NKAIN2: variants seen among roughly 807,000 people sequenced by gnomAD.
NKAIN2 encodes the protein sodium/potassium-transporting ATPase subunit beta-1-interacting protein 2.
NKAIN2 carries 14 observed loss-of-function variants against 32.6 expected under a neutral mutation model. The ratio of observed to expected loss-of-function variants is 0.43; its 90% confidence interval spans 0.28 to 0.67. The LOEUF (loss-of-function observed/expected upper bound fraction) is 0.67. Ranked by LOEUF, NKAIN2 falls within the 30% of genes least tolerant of loss-of-function variation. The pLI is 0.17. For synonymous variants in NKAIN2, 80 were observed against 87.2 expected (o/e 0.92, Z 0.46); for missense variants, 198 against 258.3 (o/e 0.77, Z 1.60).
intron 4 of NKAIN2, among the ~76,000 whole-genome samples, chr6:124,706,279 T>C: frequency 6.6e-6 from 1 of 152,134 alleles, no homozygotes; most frequent in East Asian, 1.9e-4. Flanking sequence ...GTAATATTAT[T>C]ATCTCTATCT....
intron 4 of NKAIN2, among the ~76,000 whole-genome samples, chr6:124,725,727 G>T (rs372310425): frequency 5.9e-5 from 9 of 152,306 alleles, no homozygotes; most frequent in African/African-American, 2.2e-4. Context: ...AATAGGAACA[G>T]CTCTGGTCTA....
chr6:124,335,690 G>A (rs993460480), intron 2 of NKAIN2, among the ~76,000 whole-genome samples: 13 of 151,802 alleles, frequency 8.6e-5, no homozygotes, highest in Non-Finnish European at 7.4e-5. Flanking sequence ...TTCTATTTTT[G>A]GGTCTTTAAA....
intron 1 of NKAIN2, among the ~76,000 whole-genome samples, chr6:123,950,779 C>T (rs1277999199): frequency 6.6e-6 from 1 of 151,718 alleles, no homozygotes; most frequent in Non-Finnish European, 1.5e-5. Flanking sequence ...TTTTTTAGTC[C>T]AATTTCATTT....
intron 4 of NKAIN2, among the ~76,000 whole-genome samples, chr6:124,757,166 G>A (rs1255640161): frequency 6.6e-6 from 1 of 152,022 alleles, no homozygotes; most frequent in Non-Finnish European, 1.5e-5. Flanking sequence ...TATGCTAAAG[G>A]ACATTTTATC....
intron 3 of NKAIN2, among the ~76,000 whole-genome samples, chr6:124,532,588 C>T (rs957570461): frequency 6.6e-6 from 1 of 152,150 alleles, no homozygotes; most frequent in Non-Finnish European, 1.5e-5. Context: ...CAGGAGCAAG[C>T]CAGGGAAGAA....
chr6:124,731,604 A>G (rs1055724127), intron 4 of NKAIN2, among the ~76,000 whole-genome samples: 37 of 149,776 alleles, frequency 2.5e-4, no homozygotes, highest in African/African-American at 8.8e-4. Context: ...GATATACCTA[A>G]TGCTAGATGA....
chr6:124,453,086 C>T (rs993051017), intron 3 of NKAIN2, among the ~76,000 whole-genome samples: 6 of 151,948 alleles, frequency 3.9e-5, no homozygotes, highest in Admixed American at 3.9e-4. Context: ...TCTCAATACC[C>T]AGAAAGGACA....
intron 1 of NKAIN2, among the ~76,000 whole-genome samples, chr6:123,957,929 A>T (rs1777671889): frequency 6.6e-6 from 1 of 152,230 alleles, no homozygotes; most frequent in Non-Finnish European, 1.5e-5. Context: ...TAATGTGGGC[A>T]TGCTGCTCTT....
chr6:123,837,471 T>C (rs552393858), intron 1 of NKAIN2, among the ~76,000 whole-genome samples: 1 of 152,288 alleles, frequency 6.6e-6, no homozygotes, highest in South Asian at 2.1e-4. Flanking sequence ...ATTGTGTTGA[T>C]TCTACCTTTA....
chr6:124,298,241 T>G (rs1796146770), intron 2 of NKAIN2, among the ~76,000 whole-genome samples: 1 of 152,184 alleles, frequency 6.6e-6, no homozygotes, highest in Admixed American at 6.5e-5. Context: ...TTTTTTTTAA[T>G]GTTTTTTATG....
At chr6:124,608,777 C>T (rs759265038) in intron 3 of NKAIN2, among the ~76,000 whole-genome samples, 2 of 152,116 alleles carry the variant, frequency 1.3e-5, no homozygotes, top group Admixed American at 6.6e-5. Flanking sequence ...CGACCTCACT[C>T]GGGGCAACAG....
intron 1 of NKAIN2, among the ~76,000 whole-genome samples, chr6:123,929,060 T>C (rs1030856686): frequency 6.6e-6 from 1 of 152,144 alleles, no homozygotes; most frequent in Admixed American, 6.5e-5. Flanking sequence ...GAAATTAGGA[T>C]TGTGGTTTCC....
At chr6:124,501,754 C>T (rs531769337) in intron 3 of NKAIN2, among the ~76,000 whole-genome samples, 1 of 152,212 alleles carries the variant, frequency 6.6e-6, no homozygotes, top group South Asian at 2.1e-4. Context: ...CTCATCGCTC[C>T]CTTTCCCACA....
At chr6:124,814,948 A>T (rs1180025257) in intron 5 of NKAIN2, among the ~76,000 whole-genome samples, 1 of 151,978 alleles carries the variant, frequency 6.6e-6, no homozygotes, top group East Asian at 1.9e-4. Flanking sequence ...AGCAATAAAA[A>T]TACTAATAAA....
chr6:123,987,936 T>C (rs1779218784), intron 1 of NKAIN2, among the ~76,000 whole-genome samples: 1 of 152,186 alleles, frequency 6.6e-6, no homozygotes, highest in Non-Finnish European at 1.5e-5. Context: ...TATACAAAGG[T>C]GTGGGTCATT....
At chr6:124,048,231 C>T (rs1441961106) in intron 1 of NKAIN2, among the ~76,000 whole-genome samples, 3 of 151,954 alleles carry the variant, frequency 2.0e-5, no homozygotes, top group African/African-American at 4.8e-5. Context: ...TATTAAGCTA[C>T]ACTCTAAATG....
At chr6:124,232,401 C>T (rs1019075530) in intron 1 of NKAIN2, among the ~76,000 whole-genome samples, 1 of 152,014 alleles carries the variant, frequency 6.6e-6, no homozygotes, top group East Asian at 1.9e-4. Flanking sequence ...GGACAGAGAA[C>T]AAGCCATGAA....
chr6:123,961,683 A>G (rs372463487), intron 1 of NKAIN2, among the ~76,000 whole-genome samples: 80 of 152,282 alleles, frequency 5.3e-4, no homozygotes, highest in African/African-American at 1.8e-3. Context: ...GCATTTGTGA[A>G]ATGACATAAT....
chr6:124,051,391 T>C (rs966332917), intron 1 of NKAIN2, among the ~76,000 whole-genome samples: 3 of 152,018 alleles, frequency 2.0e-5, no homozygotes, highest in Non-Finnish European at 4.4e-5. Flanking sequence ...CATTGAGATA[T>C]AGCATTTTAT....
Sources: gnomAD v4.1 joint callset for allele counts (sites outside exome capture counted in the v4.1 genomes callset) on GRCh38, gnomAD v4.1.1 for gene constraint, MANE v1.5 for transcripts, NCBI Gene and HGNC (gene_info 2026-07-23, HGNC 2026-07-21) for gene names.